YEATS2: variants seen among roughly 807,000 people sequenced by gnomAD.
The protein encoded by YEATS2 is YEATS domain containing 2, also known as YEATS domain-containing protein 2.
Under a neutral mutation model 163.2 loss-of-function variants are expected in YEATS2, and 77 were observed. The observed-to-expected ratio is 0.47, with a 90% confidence interval of 0.39 to 0.57. The LOEUF (loss-of-function observed/expected upper bound fraction) is 0.57, where lower values mean the gene tolerates loss of function less well. Among genes scored for constraint, YEATS2 ranks in the 20% least tolerant of loss-of-function variants. The pLI, the probability that YEATS2 is intolerant of heterozygous loss-of-function variation, is 0.00. For synonymous variants in YEATS2, 631 were observed against 645.1 expected, an observed-to-expected ratio of 0.98 and a Z score of 0.33; for missense variants, 1,549 against 1,729.8, an observed-to-expected ratio of 0.90 and a Z score of 1.85.
rs564045461 is a variant in YEATS2, at chr3:183,725,367, A to G, written c.650+836A>G. ...CCTCAGCTCGAATGTTCAAATCTTC[A>G]TTTTGTCTCTCCATTTACATTCCTG... On this transcript the variant is annotated intron_variant, in intron 6 of 30. Coordinates refer to ENST00000305135, the MANE Select transcript of YEATS2 (RefSeq NM_018023.5). Among the ~76,000 whole-genome samples, 25 of 152,240 alleles carry G rather than the reference A, an allele frequency of 1.6e-4. No homozygotes were observed. The South Asian group carries it at 5.0e-3, about 30-fold the overall frequency.
At chr3:183,720,696 A>G (rs1023814021) in intron 4 of YEATS2, among the ~76,000 whole-genome samples, 9 of 152,208 alleles carry the variant, frequency 5.9e-5, no homozygotes, top group African/African-American at 1.9e-4. Context: ...TAGGGCTACC[A>G]TAACAAATTA....
At chr3:183,733,534 C>T (rs79639112) in intron 7 of YEATS2, among the ~76,000 whole-genome samples, 3,612 of 152,254 alleles carry the variant, frequency 0.024, 148 homozygotes, top group African/African-American at 0.082. Context: ...GGACTATTAA[C>T]GTATGTCCTA....
At chr3:183,738,383 G>T (rs1449326087) in intron 8 of YEATS2, among the ~76,000 whole-genome samples, 1 of 143,278 alleles carries the variant, frequency 7.0e-6, no homozygotes, top group Non-Finnish European at 1.5e-5. Flanking sequence ...AAATGCAAAG[G>T]AAAAGTTCTT....
At chr3:183,703,100 CAG>C (rs1319990336) in intron 1 of YEATS2, among the ~76,000 whole-genome samples, 2 of 152,068 alleles carry the variant, frequency 1.3e-5, no homozygotes, top group Non-Finnish European at 2.9e-5. Context: ...AATAATGAGA[CAG>C]TGTTTTTGAG....
Position 183,741,737 on chromosome 3 carries a change from G to A in YEATS2, c.924+4908G>A, listed in dbSNP as rs573842791. ...GCGAAGTTTGCAGTGAGCCAAGATC[G>A]CGCCACTGCACTCCAGCCTGGTGAC... On this transcript the variant is annotated intron_variant, in intron 8 of 30. Transcript: ENST00000305135. Among the ~76,000 whole-genome samples, 33 of 152,102 alleles carry A rather than the reference G, an allele frequency of 2.2e-4. No homozygotes were observed. The South Asian group carries it at 5.4e-3, about 25-fold the overall frequency.
intron 24 of YEATS2, chr3:183,801,163 A>G (rs1725631665): frequency 4.0e-6 from 1 of 248,690 alleles, no homozygotes. Flanking sequence ...TAGCAGTCAC[A>G]TTGCAAAAAG....
intron 4 of YEATS2, among the ~76,000 whole-genome samples, chr3:183,721,344 CATA>C (rs1277569911): frequency 5.3e-5 from 8 of 152,136 alleles, no homozygotes; most frequent in African/African-American, 1.9e-4. Flanking sequence ...AGTGTTATCA[CATA>C]ATAACAGAAT....
intron 1 of YEATS2, among the ~76,000 whole-genome samples, chr3:183,707,399 G>A (rs988348439): frequency 1.3e-5 from 2 of 152,132 alleles, no homozygotes; most frequent in Non-Finnish European, 2.9e-5. Flanking sequence ...TGCATCAAGA[G>A]TTCATTGAGT....
chr3:183,798,502 TGCCACCAC>T (rs1725370282), intron 22 of YEATS2, among the ~76,000 whole-genome samples: 2 of 152,080 alleles, frequency 1.3e-5, no homozygotes, highest in Admixed American at 6.6e-5. Flanking sequence ...TACAGGCGCG[TGCCACCAC>T]GCCTGGCTAA....
At position 183,786,285 on chromosome 3, in the gene YEATS2, A is replaced by G; in HGVS notation, c.2897A>G (p.Asn966Ser). The change falls in exon 20 of 31, where the codon AAC (asparagine) becomes AGC (serine). Residue 966 changes from asparagine to serine, a missense_variant. Coordinates refer to ENST00000305135, the MANE Select transcript of YEATS2 (RefSeq NM_018023.5). ...ATSPAVALSA[N>S]GPAQQSEGMA... is the part of the protein sequence containing the mutation. ...TCCCCTGCCGTGGCCCTCTCAGCAA[A>G]CGGTCCTGCACAACAGGTGAGAAAT... is the stretch of plus-strand genomic sequence containing the variant. 1.2e-6 allele frequency: 2 copies of G among 1,610,932 alleles called. No homozygotes were observed. The highest frequency in any genetic ancestry group is 1.7e-6 in the Non-Finnish European group (2 of 1,177,490).
At chr3:183,743,435 G>A (rs547418980) in intron 8 of YEATS2, among the ~76,000 whole-genome samples, 4 of 152,012 alleles carry the variant, frequency 2.6e-5, no homozygotes, top group South Asian at 2.1e-4. Context: ...GACCTCCCCC[G>A]GCTCAGGTGA....
chr3:183,781,864 C>G (rs1261829058), intron 19 of YEATS2, among the ~76,000 whole-genome samples: 1 of 151,696 alleles, frequency 6.6e-6, no homozygotes, highest in Non-Finnish European at 1.5e-5. Flanking sequence ...GATGGTGCCA[C>G]TGCTCTCCAG....
intron 19 of YEATS2, among the ~76,000 whole-genome samples, chr3:183,778,497 C>T (rs1723236830): frequency 6.6e-6 from 1 of 152,212 alleles, no homozygotes; most frequent in African/African-American, 2.4e-5. Context: ...GCTGGGATTA[C>T]AGGCATGCAC....
At position 183,808,237 on chromosome 3, in the gene YEATS2, C is replaced by T. The variant is rs1726423186; in HGVS notation, c.4086+133C>T. On this transcript the variant is annotated intron_variant, in intron 29 of 30. Transcript: ENST00000305135. Reference sequence around the variant, plus strand: ...CTCGTCTTATTTGGGCTTAAGTTCTCTCTTTTTGTTTTTTTGTTTTTTTTC... The same window carrying T: ...CTCGTCTTATTTGGGCTTAAGTTCTTTCTTTTTGTTTTTTTGTTTTTTTTC... 18 of 704,994 alleles carry T rather than the reference C, an allele frequency of 2.6e-5. No homozygotes were observed. In the South Asian group the frequency reaches 3.0e-4, roughly 12 times the overall value. The allele number at this position is 704,994 out of a possible 1,614,324, so 43.7% of individuals were successfully genotyped here.
intron 1 of YEATS2, among the ~76,000 whole-genome samples, chr3:183,713,224 A>G (rs1455286909): frequency 2.0e-5 from 3 of 152,224 alleles, no homozygotes; most frequent in Non-Finnish European, 4.4e-5. Flanking sequence ...TTGGTTAGGT[A>G]AAATATATTG....
chr3:183,742,306 A>T (rs1053239048), intron 8 of YEATS2, among the ~76,000 whole-genome samples: 16 of 152,220 alleles, frequency 1.1e-4, no homozygotes, highest in Admixed American at 2.0e-4. Context: ...GGTCAAAGTA[A>T]ATTGAAAGCC....
At chr3:183,780,192 T>A in intron 19 of YEATS2, among the ~76,000 whole-genome samples, 1 of 152,094 alleles carries the variant, frequency 6.6e-6, no homozygotes. Flanking sequence ...TCTTCCCTTT[T>A]CCAACTACAT....
At chr3:183,795,471 TTTTTTTTTTTTTA>T in intron 21 of YEATS2, among the ~76,000 whole-genome samples, 1 of 103,610 alleles carries the variant, frequency 9.7e-6, no homozygotes. Flanking sequence ...TTTTTTTTTT[TTTTTTTTTTTTTA>T]GAGACGGGGT....
chr3:183,736,876 C>T (rs780483025), intron 8 of YEATS2, 47 bp downstream of exon 8: 9 of 1,526,994 alleles, frequency 5.9e-6, no homozygotes, highest in Non-Finnish European at 8.1e-6. Context: ...CTCTTTTTAC[C>T]AGCTACAATT....
Sources: gnomAD v4.1 joint callset for allele counts (sites outside exome capture counted in the v4.1 genomes callset) on GRCh38, gnomAD v4.1.1 for gene constraint, MANE v1.5 for transcripts, NCBI Gene and HGNC (gene_info 2026-07-23, HGNC 2026-07-21) for gene names.